The following NISCH variants were observed in gnomAD, a reference collection of about 807,000 sequenced individuals.
The protein encoded by NISCH is I-1 receptor candidate protein.
Under a neutral mutation model 138.4 loss-of-function variants are expected in NISCH, and 55 were observed. That is an observed-to-expected ratio of 0.40 (90% CI 0.32 to 0.50). The LOEUF (loss-of-function observed/expected upper bound fraction) is 0.50, where lower values mean the gene tolerates loss of function less well. NISCH is among the 20% of genes least tolerant of loss of function. The probability of loss-of-function intolerance (pLI) is 0.71; values close to 1 mark genes in which losing one functional copy is unlikely to be tolerated. For synonymous variants in NISCH, 860 were observed against 861.5 expected (o/e 1.00, Z 0.03); for missense variants, 1,643 against 2,005.5 (o/e 0.82, Z 3.45).
At chr3:52,460,427 G>A (rs1189241626) in intron 3 of NISCH, among the ~76,000 whole-genome samples, 1 of 148,364 alleles carries the variant, frequency 6.7e-6, no homozygotes, top group Non-Finnish European at 1.5e-5. Context: ...TTTGAGACAG[G>A]GTCTCACTCC....
intron 8 of NISCH, 26 bp from the exon 9 acceptor site, chr3:52,477,548 C>A: frequency 1.2e-6 from 2 of 1,604,072 alleles, no homozygotes; most frequent in Non-Finnish European, 1.7e-6. Flanking sequence ...CCTACAGTAA[C>A]ATCGGGTGTT....
chr3:52,492,056 C>T lies in NISCH; in HGVS notation c.4089C>T (p.Cys1363=), dbSNP rs1707579671. Residue 1363 remains cysteine (C), a synonymous_variant, in exon 21 of 21, where the codon TGC becomes TGT. Transcript: ENST00000345716. ...AFQVGMPPPG[C]CRGPLRPKTL... Reference sequence around the variant, plus strand: ...AGGTGGGCATGCCACCCCCTGGGTGCTGCAGGGGCCCCCTGCGCCCCAAGA... The same window carrying T: ...AGGTGGGCATGCCACCCCCTGGGTGTTGCAGGGGCCCCCTGCGCCCCAAGA... The T allele has an allele frequency of 6.2e-7, 1 of 1,612,938 alleles. No homozygotes were observed. The highest frequency in any genetic ancestry group is 1.3e-5 in the African/African-American group (1 of 74,936).
chr3:52,470,705 T>G lies in NISCH; in HGVS notation c.361-154T>G, dbSNP rs1706919175. The G allele has an allele frequency of 4.3e-6, 3 of 694,856 alleles. No homozygotes were observed. The East Asian group carries it at 7.5e-5, about 17-fold the overall frequency. 43.0% of individuals were successfully genotyped at this position (694,856 alleles called of 1,614,324 possible). On this transcript the variant is annotated intron_variant, in intron 3 of 20. Transcript: ENST00000345716. ...AATACTTAGTTTCCCTTTCTAAGCT[T>G]CTTGCTTCATTGTAGGTTTATGCCC...
intron 17 of NISCH, 177 bp downstream of exon 17, chr3:52,489,855 T>C (rs1481239108): frequency 3.9e-6 from 5 of 1,267,232 alleles, no homozygotes; most frequent in South Asian, 1.5e-5. Context: ...CCCCTGGCCA[T>C]TTGTGCTGTG....
rs1707563377 is a variant in NISCH at position 52,491,475 on chromosome 3, A to T, written c.3866A>T (p.Asp1289Val). The part of the protein sequence containing the change: ...LERTPSPEPV[D>V]KDFYSEFGNK... Reference sequence around the variant, plus strand: ...CGCACGCCCTCGCCGGAGCCTGTTGACAAGGACTTCTACTCCGAGTTTGGG... The same window carrying T: ...CGCACGCCCTCGCCGGAGCCTGTTGTCAAGGACTTCTACTCCGAGTTTGGG... The change falls in exon 20 of 21, where the codon GAC (aspartate) becomes GTC (valine). Residue 1289 changes from aspartate (D) to valine (V), a missense_variant. Physicochemically the swap from Asp to Val is radical, Grantham distance 152. Coordinates refer to ENST00000345716, the MANE Select transcript of NISCH (RefSeq NM_007184.4). 5 of 1,613,214 alleles carry T rather than the reference A, an allele frequency of 3.1e-6. No homozygotes were observed. The highest frequency in any genetic ancestry group is 2.2e-5 in the South Asian group (2 of 91,064).
intron 16 of NISCH, among the ~76,000 whole-genome samples, 186 bp from the exon 17 acceptor site, chr3:52,489,150 G>A (rs954780378): frequency 1.3e-5 from 2 of 152,190 alleles, no homozygotes; most frequent in Admixed American, 6.5e-5. Flanking sequence ...AAAGTGCTGG[G>A]ATTACAGACA....
chr3:52,480,121 C>T, intron 12 of NISCH, 63 bp from the exon 13 acceptor site: 1 of 1,590,820 alleles, frequency 6.3e-7, no homozygotes, highest in Non-Finnish European at 8.6e-7. Flanking sequence ...CCTCACACCC[C>T]TGGCCTTGGG....
chr3:52,488,044 G>A lies in NISCH; in HGVS notation c.2552G>A (p.Arg851His), dbSNP rs552134587. 61 of 1,612,574 alleles carry A rather than the reference G, an allele frequency of 3.8e-5. No homozygotes were observed. The highest frequency in any genetic ancestry group is 4.7e-5 in the Non-Finnish European group (56 of 1,179,888). ...FYKVAGGCQE[R>H]SQGCFPVYLV... is the part of the protein sequence containing the mutation. ...AAGGTGGCTGGCGGCTGCCAGGAGC[G>A]CAGCCAGGGCTGCTTCCCCGTCTAC... The change falls in exon 16 of 21, where the codon CGC (arginine) becomes CAC (histidine). Residue 851 changes from arginine to histidine, a missense_variant. Transcript: ENST00000345716.
chr3:52,463,407 A>G (rs187571082), intron 3 of NISCH, among the ~76,000 whole-genome samples: 3 of 152,342 alleles, frequency 2.0e-5, no homozygotes, highest in Admixed American at 2.0e-4. Context: ...TGATGCTGCT[A>G]TGAGCATTTG....
At chr3:52,481,091 A>G in intron 13 of NISCH, 2 of 1,307,008 alleles carry the variant, frequency 1.5e-6, no homozygotes, top group South Asian at 4.9e-5. Flanking sequence ...CCAGAAAAAC[A>G]TTCCCACCCC....
At chr3:52,460,087 A>T (rs1452978283) in intron 3 of NISCH, among the ~76,000 whole-genome samples, 1 of 144,392 alleles carries the variant, frequency 6.9e-6, no homozygotes, top group African/African-American at 2.5e-5. Context: ...AGGCTGAGGC[A>T]GGAGAATCGC....
At chr3:52,473,909 G>A in intron 7 of NISCH, 80 bp downstream of exon 7, 3 of 882,752 alleles carry the variant, frequency 3.4e-6, no homozygotes, top group South Asian at 1.5e-5. Flanking sequence ...CTAAGGATGG[G>A]TGAGGACACT....
At position 52,487,087 on chromosome 3, in the gene NISCH, T is replaced by G; in HGVS notation, c.1704-109T>G. 2.2e-5 allele frequency: 27 copies of G among 1,225,708 alleles called. No individual in the cohort carries two copies. The highest frequency in any genetic ancestry group is 2.8e-5 in the Non-Finnish European group (25 of 881,050). 75.9% of individuals were successfully genotyped at this position (1,225,708 alleles called of 1,614,324 possible). ...CCATGTGGGAGGCTTGGGAGACCCA[T>G]GGGTTGGTTTCTCAGGGTCAGGGTG... On this transcript the variant is annotated intron_variant, in intron 15 of 20. Coordinates refer to ENST00000345716, the MANE Select transcript of NISCH (RefSeq NM_007184.4). This position sits in a 1 kb window ranked among gnomAD's most constrained non-coding sequence, Gnocchi z 9.1.
In NISCH at chr3:52,492,012, C is replaced by T. The variant is rs202036631; in HGVS notation, c.4045C>T (p.Leu1349=). The T allele has an allele frequency of 2.5e-6, 4 of 1,613,386 alleles. No homozygotes were observed. The African/African-American group carries it at 5.3e-5, about 21-fold the overall frequency. Residue 1349 remains leucine, a synonymous_variant, in exon 21 of 21, where the codon CTG becomes TTG. Transcript: ENST00000345716. ...GAAGGCCCCAGCCCTCAGCATCCTG[C>T]TGTACGTGCAGGCCTTCCAGGTGGG... ...PEKAPALSIL[L]YVQAFQVGMP... is the part of the protein sequence containing the mutation.
intron 12 of NISCH, 125 bp downstream of exon 12, chr3:52,479,987 G>T: frequency 1.0e-6 from 1 of 966,482 alleles, no homozygotes. Context: ...CTCCCTGGCT[G>T]CATGACCTCG....
intron 20 of NISCH, 75 bp from the exon 21 acceptor site, chr3:52,491,797 G>T: frequency 6.6e-7 from 1 of 1,508,212 alleles, no homozygotes; most frequent in Admixed American, 2.2e-5. Flanking sequence ...CTCTCGGTTG[G>T]CTTGGGGCCC....
chr3:52,478,537 G>A lies in NISCH; in HGVS notation c.1262G>A (p.Arg421Gln), dbSNP rs754670090. 7 of 1,614,046 alleles carry A rather than the reference G, an allele frequency of 4.3e-6. No homozygotes were observed. The highest frequency in any genetic ancestry group is 1.7e-5 in the Admixed American group (1 of 59,996). Residue 421 changes from arginine (R) to glutamine (Q), a missense_variant, in exon 11 of 21, where the codon CGG becomes CAG. By Grantham distance (43) the Arg-to-Gln change is conservative. Transcript: ENST00000345716. Reference protein sequence around the residue: ...NNPLSIIPDYRTKVLAQFGER... With the variant: ...NNPLSIIPDYQTKVLAQFGER... ...CCTCTGAGCATCATCCCCGACTACC[G>A]GACCAAGGTGCTGGCTCAGTTCGGA... is the stretch of plus-strand genomic sequence containing the variant.
chr3:52,481,776 C>T, intron 13 of NISCH: 1 of 985,586 alleles, frequency 1.0e-6, no homozygotes. Context: ...TGCACCAGCT[C>T]AGCCCCCTCC....
At chr3:52,477,393 G>C (rs1490251420) in intron 8 of NISCH, among the ~76,000 whole-genome samples, 181 bp from the exon 9 acceptor site, 1 of 152,216 alleles carries the variant, frequency 6.6e-6, no homozygotes, top group Non-Finnish European at 1.5e-5. Flanking sequence ...GGCCCTGTGT[G>C]TGCCTTTGGA....
Sources: gnomAD v4.1 joint callset for allele counts (sites outside exome capture counted in the v4.1 genomes callset) on GRCh38, gnomAD v4.1.1 for gene constraint, Gnocchi (gnomAD v3.1) non-coding constraint, MANE v1.5 for transcripts, NCBI Gene and HGNC (gene_info 2026-07-23, HGNC 2026-07-21) for gene names.